The following ULK4 variants were observed in gnomAD, a reference collection of about 807,000 sequenced individuals.
ULK4 encodes unc-51 like kinase 4, also known as inactive serine/threonine-protein kinase ULK4.
A neutral mutation model predicts 160.6 loss-of-function variants in ULK4; 133 were observed. The observed-to-expected ratio is 0.83, with a 90% CI of 0.72 to 0.96. The LOEUF is 0.96. Among genes scored for constraint, ULK4 ranks in the 40% least tolerant of loss-of-function variants. The probability of loss-of-function intolerance (pLI) is 0.00; values close to 1 mark genes in which losing one functional copy is unlikely to be tolerated. For synonymous variants in ULK4, 534 were observed against 539.8 expected (o/e 0.99, Z 0.15); for missense variants, 1,580 against 1,499.5 (o/e 1.05, Z -0.89).
At chr3:41,279,600 T>C (rs758063011) in intron 35 of ULK4, among the ~76,000 whole-genome samples, 2 of 152,116 alleles carry the variant, frequency 1.3e-5, no homozygotes, top group Non-Finnish European at 2.9e-5. Context: ...ATCAGACTAG[T>C]AGCAGATTTC....
At chr3:41,869,158 T>C (rs1156268534) in intron 17 of ULK4, 1 of 152,208 alleles carries the variant, frequency 6.6e-6, no homozygotes, top group Non-Finnish European at 1.5e-5. Context: ...TCAGGGTTTT[T>C]TTTTTAACTG....
intron 27 of ULK4, among the ~76,000 whole-genome samples, chr3:41,704,225 T>C (rs1317532581): frequency 6.6e-6 from 1 of 152,120 alleles, no homozygotes; most frequent in African/African-American, 2.4e-5. Flanking sequence ...GGTCAAATGC[T>C]AAATGGGACA....
chr3:41,295,112 G>A (rs1334573393), intron 35 of ULK4, among the ~76,000 whole-genome samples: 1 of 152,158 alleles, frequency 6.6e-6, no homozygotes, highest in Non-Finnish European at 1.5e-5. Context: ...ACAGATCAAC[G>A]GAATAGAATA....
intron 30 of ULK4, among the ~76,000 whole-genome samples, chr3:41,656,347 T>TA (rs1439744850): frequency 1.3e-5 from 2 of 152,178 alleles, no homozygotes; most frequent in Non-Finnish European, 2.9e-5. Context: ...ATAAATGAAG[T>TA]AACTTGGCCA....
At chr3:41,516,252 T>G (rs2085744538) in intron 32 of ULK4, among the ~76,000 whole-genome samples, 1 of 152,200 alleles carries the variant, frequency 6.6e-6, no homozygotes. Flanking sequence ...AAACTCTTTG[T>G]GTAACTGGTG....
At chr3:41,752,533 C>A (rs2038665187) in intron 22 of ULK4, among the ~76,000 whole-genome samples, 1 of 152,126 alleles carries the variant, frequency 6.6e-6, no homozygotes, top group African/African-American at 2.4e-5. Context: ...TTCCACACCC[C>A]TCAATTGGAA....
Position 41,916,049 on chromosome 3 carries a change from G to T in ULK4, c.731C>A (p.Ser244Tyr). 6.4e-7 allele frequency: 1 copy of T among 1,573,024 alleles called. No individual in the cohort carries two copies. The highest frequency in any genetic ancestry group is 8.6e-7 in the Non-Finnish European group (1 of 1,164,554). Residue 244 changes from serine to tyrosine, a missense_variant, in exon 8 of 37, where the codon TCT becomes TAT. By Grantham distance (144) the Ser-to-Tyr change is moderately radical. Transcript: ENST00000301831. ...ATCTGAAGAAGCTTTAGGACGAGAA[G>T]AATCTATAAATGAATTAATTTCCAA... is the stretch of plus-strand genomic sequence containing the variant. ...EDPLPPIPKD[S>Y]SRPKASSDFI...
At chr3:41,316,271 G>A (rs2080141588) in intron 35 of ULK4, among the ~76,000 whole-genome samples, 1 of 152,160 alleles carries the variant, frequency 6.6e-6, no homozygotes, top group Admixed American at 6.5e-5. Context: ...CTAAGTGAAA[G>A]AGGTCAGACA....
intron 34 of ULK4, among the ~76,000 whole-genome samples, chr3:41,427,440 T>C (rs2082802678): frequency 6.6e-6 from 1 of 152,190 alleles, no homozygotes; most frequent in African/African-American, 2.4e-5. Context: ...ATCATCTTGA[T>C]ACCAAAACCT....
At chr3:41,771,095 G>A (rs1332944279) in intron 21 of ULK4, among the ~76,000 whole-genome samples, 3 of 151,932 alleles carry the variant, frequency 2.0e-5, no homozygotes, top group Non-Finnish European at 2.9e-5. Context: ...CTAATAATAC[G>A]GCTTACCATA....
At chr3:41,956,420 T>C (rs1300006857) in intron 1 of ULK4, among the ~76,000 whole-genome samples, 1 of 152,238 alleles carries the variant, frequency 6.6e-6, no homozygotes, top group Non-Finnish European at 1.5e-5. Context: ...AATAAATCCC[T>C]GCTTTCATGC....
intron 17 of ULK4, among the ~76,000 whole-genome samples, chr3:41,840,276 T>G (rs890338371): frequency 3.3e-5 from 5 of 152,038 alleles, no homozygotes; most frequent in African/African-American, 1.2e-4. Flanking sequence ...AAAAATAATT[T>G]TAAAAAAAGA....
chr3:41,728,539 G>A (rs2037724446), intron 22 of ULK4, among the ~76,000 whole-genome samples: 1 of 152,064 alleles, frequency 6.6e-6, no homozygotes, highest in Admixed American at 6.6e-5. Context: ...CAACAACGCA[G>A]ATCAAATTTG....
chr3:41,508,072 A>G (rs1389904590), intron 32 of ULK4, among the ~76,000 whole-genome samples: 2 of 152,172 alleles, frequency 1.3e-5, no homozygotes, highest in South Asian at 2.1e-4. Context: ...CTCCTCTACT[A>G]GAGTCGGTGC....
chr3:41,738,150 A>T (rs1341953177), intron 22 of ULK4, among the ~76,000 whole-genome samples: 1 of 152,026 alleles, frequency 6.6e-6, no homozygotes, highest in African/African-American at 2.4e-5. Flanking sequence ...AAAAAATTAA[A>T]AATAGTCTAT....
chr3:41,475,811 G>A (rs892093087), intron 32 of ULK4, among the ~76,000 whole-genome samples: 4 of 152,064 alleles, frequency 2.6e-5, no homozygotes, highest in Non-Finnish European at 4.4e-5. Flanking sequence ...TACCATGTAA[G>A]TGTAGACATA....
chr3:41,740,542 T>C (rs2038206895), intron 22 of ULK4, among the ~76,000 whole-genome samples: 1 of 151,944 alleles, frequency 6.6e-6, no homozygotes, highest in South Asian at 2.1e-4. Context: ...ATCATTTTTA[T>C]CTGATCTTGA....
intron 31 of ULK4, among the ~76,000 whole-genome samples, chr3:41,607,724 A>G (rs1319103420): frequency 1.3e-5 from 2 of 152,182 alleles, no homozygotes. Flanking sequence ...AGACTGGCTA[A>G]ACAAATTCTA....
chr3:41,862,519 G>A (rs2042523078), intron 17 of ULK4, among the ~76,000 whole-genome samples: 1 of 152,006 alleles, frequency 6.6e-6, no homozygotes, highest in African/African-American at 2.4e-5. Flanking sequence ...TCACTGCCTG[G>A]GCTTATTTGT....
Sources: gnomAD v4.1 joint callset for allele counts (sites outside exome capture counted in the v4.1 genomes callset) on GRCh38, gnomAD v4.1.1 for gene constraint, MANE v1.5 for transcripts, NCBI Gene and HGNC (gene_info 2026-07-23, HGNC 2026-07-21) for gene names.